L3MBTL4: variants seen among roughly 807,000 people sequenced by gnomAD.
L3MBTL4 encodes the protein lethal(3)malignant brain tumor-like protein 4.
Under a neutral mutation model 84.5 loss-of-function variants are expected in L3MBTL4, and 70 were observed. The ratio of observed to expected loss-of-function variants is 0.83; its 90% confidence interval spans 0.68 to 1.01. The LOEUF is 1.01. Among genes scored for constraint, L3MBTL4 ranks in the 50% least tolerant of loss-of-function variants. L3MBTL4 has a pLI of 0.00. For synonymous variants in L3MBTL4, 274 were observed against 259.8 expected (o/e 1.05, Z -0.52); for missense variants, 715 against 754.8 (o/e 0.95, Z 0.62).
chr18:6,390,410 C>A (rs2054995691), intron 1 of L3MBTL4, among the ~76,000 whole-genome samples: 1 of 152,026 alleles, frequency 6.6e-6, no homozygotes, highest in African/African-American at 2.4e-5. Flanking sequence ...TATTGTCACA[C>A]TTCAGGGAAC....
At chr18:6,215,870 C>T (rs374989217) in intron 10 of L3MBTL4, 35 bp from the exon 11 acceptor site, 77 of 1,188,928 alleles carry the variant, frequency 6.5e-5, no homozygotes, top group Non-Finnish European at 8.8e-5. Flanking sequence ...CAAAAGATTA[C>T]TCATAGATAT....
In L3MBTL4 at chr18:6,158,096, T is replaced by G. The variant is rs1403736; in HGVS notation, c.1096+13732A>C. On this transcript the variant is annotated intron_variant, in intron 13 of 18. Transcript: ENST00000317931. ...ACAGATGCATGTTGGTTTTGCATTA[T>G]GTGACTAACCAACACATTATAGAGA... Among the ~76,000 whole-genome samples, 708 of 152,348 alleles carry G rather than the reference T, an allele frequency of 4.6e-3. 2 individuals carry two copies. The highest frequency in any genetic ancestry group is 0.016 in the African/African-American group (685 of 41,578).
At position 6,213,249 on chromosome 18, in the gene L3MBTL4, T is replaced by C. The variant is rs2046188456; in HGVS notation, c.881A>G (p.His294Arg). Residue 294 changes from histidine (H) to arginine (R), a missense_variant, in exon 12 of 19, where the codon CAT (histidine) becomes CGT (arginine). Physicochemically the swap from His to Arg is conservative, Grantham distance 29 (BLOSUM62 0). Coordinates refer to ENST00000317931, the MANE Select transcript of L3MBTL4 (RefSeq NM_001330559.2). ...AAGTTTCATATTTGGCAGAAAACCA[T>C]GAGGCAACCTCTGTAAATGTTATTA... Reference protein sequence around the residue: ...PAKVFKMRLPHGFLPNMKLEV... With the variant: ...PAKVFKMRLPRGFLPNMKLEV... 1 of 1,594,584 alleles carries C rather than the reference T, an allele frequency of 6.3e-7. No homozygotes were observed. The highest frequency in any genetic ancestry group is 8.6e-7 in the Non-Finnish European group (1 of 1,166,712).
At chr18:6,097,155 C>T (rs1414027665) in intron 14 of L3MBTL4, among the ~76,000 whole-genome samples, 1 of 152,114 alleles carries the variant, frequency 6.6e-6, no homozygotes, top group Non-Finnish European at 1.5e-5. Context: ...AATGTCAGCC[C>T]CAACCTCATC....
At chr18:6,316,451 G>A (rs760318257) in intron 1 of L3MBTL4, among the ~76,000 whole-genome samples, 1 of 152,172 alleles carries the variant, frequency 6.6e-6, no homozygotes, top group Non-Finnish European at 1.5e-5. Flanking sequence ...AGAGGCATTA[G>A]TGCAATGCTG....
intron 16 of L3MBTL4, among the ~76,000 whole-genome samples, chr18:6,007,218 CTAGTGTCCTAAAGCATAAAGA>C (rs1308704689): frequency 5.9e-5 from 9 of 151,950 alleles, no homozygotes; most frequent in East Asian, 5.8e-4. Context: ...GGAGAAAAAT[CTAGTGTCCTAAAGCATAAAGA>C]TAAAGAGCTC....
chr18:6,218,174 T>C (rs2046403294), intron 10 of L3MBTL4, among the ~76,000 whole-genome samples: 2 of 152,208 alleles, frequency 1.3e-5, no homozygotes, highest in Admixed American at 1.3e-4. Flanking sequence ...GTGGCTCTTC[T>C]GACACAGTCA....
At chr18:6,304,665 G>A (rs2050502651) in intron 3 of L3MBTL4, among the ~76,000 whole-genome samples, 5 of 152,202 alleles carry the variant, frequency 3.3e-5, no homozygotes, top group Admixed American at 3.3e-4. Context: ...CTGTTCTACT[G>A]CAAGTGAGAC....
At chr18:6,406,678 T>C (rs2055749678) in intron 1 of L3MBTL4, among the ~76,000 whole-genome samples, 1 of 152,188 alleles carries the variant, frequency 6.6e-6, no homozygotes. Flanking sequence ...GAACACTGAC[T>C]GCTGCTTACC....
chr18:6,147,748 C>A (rs1252801019), intron 13 of L3MBTL4, among the ~76,000 whole-genome samples: 1 of 152,188 alleles, frequency 6.6e-6, no homozygotes, highest in Non-Finnish European at 1.5e-5. Flanking sequence ...TTTCACAGAT[C>A]TGACATAGCT....
intron 5 of L3MBTL4, among the ~76,000 whole-genome samples, chr18:6,252,703 A>C (rs761701025): frequency 8.5e-5 from 13 of 152,240 alleles, no homozygotes; most frequent in Admixed American, 3.9e-4. Context: ...TGTCCTGCTA[A>C]GAAAATTTTA....
chr18:6,169,634 A>T (rs1195269991), intron 13 of L3MBTL4, among the ~76,000 whole-genome samples: 1 of 141,624 alleles, frequency 7.1e-6, no homozygotes, highest in Non-Finnish European at 1.5e-5. Flanking sequence ...AACAATGAGA[A>T]CACATGGACA....
At chr18:6,322,180 A>C (rs969457586) in intron 1 of L3MBTL4, among the ~76,000 whole-genome samples, 2 of 151,848 alleles carry the variant, frequency 1.3e-5, no homozygotes, top group Non-Finnish European at 2.9e-5. Context: ...AACACAGTGA[A>C]ACCTCATATA....
In L3MBTL4 at chr18:6,239,617, A is replaced by C. The variant is rs2047368423; in HGVS notation, c.707+101T>G. 3 of 1,109,866 alleles carry C rather than the reference A, an allele frequency of 2.7e-6. No homozygotes were observed. The Admixed American group carries it at 5.6e-5, about 21-fold the overall frequency. The allele number at this position is 1,109,866 out of a possible 1,614,324, so 68.8% of individuals were successfully genotyped here. A position where few individuals can be genotyped will look rare whatever the true frequency, so the allele number is the denominator to read the frequency against. ...AACCACCAAATTCCTAATGCTCATCACTATTAGAAGAGCAAAAACAGCAAC... is the reference window on the plus strand; with the variant it reads ...AACCACCAAATTCCTAATGCTCATCCCTATTAGAAGAGCAAAAACAGCAAC... On this transcript the variant is annotated intron_variant, in intron 9 of 18. Transcript: ENST00000317931.
At chr18:6,397,409 T>C (rs1351590886) in intron 1 of L3MBTL4, 2 of 152,240 alleles carry the variant, frequency 1.3e-5, no homozygotes, top group African/African-American at 4.8e-5. Flanking sequence ...TAATAGTTCT[T>C]ATTTAAAAAA....
chr18:5,959,119 C>T (rs1402187474), intron 18 of L3MBTL4, among the ~76,000 whole-genome samples: 3 of 152,202 alleles, frequency 2.0e-5, no homozygotes, highest in African/African-American at 7.2e-5. Context: ...AAACTCAGCA[C>T]TTCCTTAACT....
intron 13 of L3MBTL4, among the ~76,000 whole-genome samples, chr18:6,163,272 G>GT (rs2043445920): frequency 2.3e-4 from 22 of 94,882 alleles, no homozygotes; most frequent in East Asian, 2.0e-3. Context: ...GGGGGGGGTG[G>GT]GTGTGTGTGT....
intron 10 of L3MBTL4, among the ~76,000 whole-genome samples, chr18:6,237,228 AT>A (rs751374404): frequency 6.6e-6 from 1 of 152,134 alleles, no homozygotes; most frequent in African/African-American, 2.4e-5. Flanking sequence ...TTGGAGACCC[AT>A]TGTTAAGTTA....
At chr18:5,958,109 GAAGA>G (rs2095241072) in intron 18 of L3MBTL4, among the ~76,000 whole-genome samples, 1 of 92,850 alleles carries the variant, frequency 1.1e-5, no homozygotes, top group Non-Finnish European at 2.0e-5. Context: ...AGAAGAAGAA[GAAGA>G]AGAAGAAGAA....
Sources: gnomAD v4.1 joint callset for allele counts (sites outside exome capture counted in the v4.1 genomes callset) on GRCh38, gnomAD v4.1.1 for gene constraint, MANE v1.5 for transcripts, NCBI Gene and HGNC (gene_info 2026-07-23, HGNC 2026-07-21) for gene names.